Variants in STON1 observed in about 807,000 individuals in gnomAD.
STON1 encodes the protein stonin 1.
STON1 carries 79 observed loss-of-function variants against 60.9 expected under a neutral mutation model. The ratio of observed to expected loss-of-function variants is 1.30; its 90% confidence interval spans 1.08 to 1.56. The LOEUF (loss-of-function observed/expected upper bound fraction) is 1.56, where lower values mean the gene tolerates loss of function less well. Ranked by LOEUF, STON1 falls within the 40% of genes most tolerant of loss-of-function variation. The pLI is 0.00. For synonymous variants in STON1, 363 were observed against 306.9 expected (o/e 1.18, Z -1.91); for missense variants, 1,166 against 858.9 (o/e 1.36, Z -4.47).
Position 48,581,821 on chromosome 2 carries a change from G to A in STON1, c.1188G>A (p.Glu396=). The change falls in exon 2 of 4, where the codon GAG becomes GAA. Residue 396 remains glutamate, a synonymous_variant. Coordinates refer to ENST00000404752, the MANE Select transcript of STON1 (RefSeq NM_006873.4). ...FLDFLTTVEE[E]LMKLPAVSKP... is the part of the protein sequence containing the mutation. ...ACTTTCTGACTACTGTGGAGGAGGA[G>A]CTGATGAAGTTGCCAGCTGTTTCAA... 6.2e-7 allele frequency: 1 copy of A among 1,614,210 alleles called. No homozygotes were observed. Among genetic ancestry groups the A allele is most frequent in the Non-Finnish European group, 8.5e-7 (1 of 1,180,052 alleles).
chr2:48,573,626 G>T (rs1298912301), intron 1 of STON1, among the ~76,000 whole-genome samples: 1 of 152,186 alleles, frequency 6.6e-6, no homozygotes, highest in Non-Finnish European at 1.5e-5. Flanking sequence ...GTAATTTGTT[G>T]TATCAGGTTG....
At chr2:48,563,612 T>G (rs1672698785) in intron 1 of STON1, among the ~76,000 whole-genome samples, 2 of 152,208 alleles carry the variant, frequency 1.3e-5, no homozygotes, top group East Asian at 1.9e-4. Context: ...TTCCCTAGTC[T>G]CAGACTCTTG....
chr2:48,558,731 C>G (rs1490289210), intron 1 of STON1, among the ~76,000 whole-genome samples: 4 of 152,200 alleles, frequency 2.6e-5, no homozygotes, highest in Admixed American at 6.5e-5. Context: ...TTTACTCAAG[C>G]AGATGTCCCT....
At chr2:48,582,659 A>G (rs1033405495) in intron 2 of STON1, 96 bp downstream of exon 2, 4 of 1,500,306 alleles carry the variant, frequency 2.7e-6, no homozygotes, top group Non-Finnish European at 3.5e-6. Flanking sequence ...ACAGATGGCA[A>G]TTTGTCAGCT....
At chr2:48,561,176 A>G (rs1672594431) in intron 1 of STON1, among the ~76,000 whole-genome samples, 1 of 152,234 alleles carries the variant, frequency 6.6e-6, no homozygotes, top group East Asian at 1.9e-4. Context: ...AGCTTCATGA[A>G]TGAGGCTTCC....
In STON1 at chr2:48,557,304, G is replaced by A. The variant is rs1485887863; in HGVS notation, c.-47-23283G>A. 4.9e-5 allele frequency among the ~76,000 whole-genome samples: 4 copies of A among 82,288 alleles called. 1 individual carries two copies. The highest frequency in any genetic ancestry group is 1.0e-4 in the Non-Finnish European group (4 of 38,810). 54.0% of individuals were successfully genotyped at this position (82,288 alleles called of 152,430 possible). On this transcript the variant is annotated intron_variant, in intron 1 of 3. Coordinates refer to ENST00000404752, the MANE Select transcript of STON1 (RefSeq NM_006873.4). ...CTCCTCACCTCCCAGACGGGGTCTCGGCCGGGCAGAGGCGCTCCTCACATC... is the reference window on the plus strand; with the variant it reads ...CTCCTCACCTCCCAGACGGGGTCTCAGCCGGGCAGAGGCGCTCCTCACATC...
intron 1 of STON1, among the ~76,000 whole-genome samples, chr2:48,564,452 C>A (rs866071774): frequency 4.6e-4 from 25 of 54,038 alleles, no homozygotes; most frequent in African/African-American, 1.6e-3. Context: ...TCTTCTTCTT[C>A]TTCTTCTTCT....
chr2:48,553,556 C>G (rs6759426), intron 1 of STON1, among the ~76,000 whole-genome samples: 29 of 151,984 alleles, frequency 1.9e-4, no homozygotes, highest in African/African-American at 5.8e-4. Flanking sequence ...GGCATGGTCT[C>G]GGCTCACTGC....
Position 48,581,232 on chromosome 2 carries a change from C to T in STON1, c.599C>T (p.Pro200Leu), listed in dbSNP as rs1673861592. Residue 200 changes from proline (P) to leucine (L), a missense_variant, in exon 2 of 4, where the codon CCA (proline) becomes CTA (leucine). By Grantham distance (98) the Pro-to-Leu change is moderately conservative. Coordinates refer to ENST00000404752, the MANE Select transcript of STON1 (RefSeq NM_006873.4). ...AGTGATTCCCATTTCACCCTTGACC[C>T]ACCAGGAAGCAAAAAGATGTTCTCA... is the stretch of plus-strand genomic sequence containing the variant. The part of the protein sequence containing the change: ...EGSDSHFTLD[P>L]PGSKKMFSSR... The T allele has an allele frequency of 6.6e-7, 1 of 1,517,100 alleles. No homozygotes were observed. Among genetic ancestry groups the T allele is most frequent in the Non-Finnish European group, 8.8e-7 (1 of 1,138,480 alleles). 94.0% of individuals were successfully genotyped at this position (1,517,100 alleles called of 1,614,324 possible).
At chr2:48,567,475 G>A (rs144510262) in intron 1 of STON1, among the ~76,000 whole-genome samples, 4 of 152,196 alleles carry the variant, frequency 2.6e-5, no homozygotes, top group African/African-American at 7.2e-5. Context: ...GCAATGGCGC[G>A]ATCTTAGCTC....
chr2:48,571,223 C>T (rs977976711), intron 1 of STON1, among the ~76,000 whole-genome samples: 2 of 152,058 alleles, frequency 1.3e-5, no homozygotes, highest in African/African-American at 4.8e-5. Context: ...GAAAGTAGAC[C>T]TTTGAAAAGT....
intron 1 of STON1, among the ~76,000 whole-genome samples, chr2:48,567,810 A>T (rs1181946319): frequency 1.3e-5 from 2 of 152,184 alleles, no homozygotes; most frequent in Admixed American, 6.5e-5. Flanking sequence ...TCCAGGATAT[A>T]CAGTTGTTTC....
At chr2:48,566,678 C>A (rs1205814547) in intron 1 of STON1, among the ~76,000 whole-genome samples, 1 of 152,134 alleles carries the variant, frequency 6.6e-6, no homozygotes. Flanking sequence ...CATGTGAAAT[C>A]CATCTGGGTT....
At chr2:48,563,477 A>T (rs1462092456) in intron 1 of STON1, among the ~76,000 whole-genome samples, 1 of 152,194 alleles carries the variant, frequency 6.6e-6, no homozygotes. Context: ...GTCCTGAGTG[A>T]TGCTAAGACC....
At chr2:48,568,796 C>T (rs950264974) in intron 1 of STON1, among the ~76,000 whole-genome samples, 12 of 152,176 alleles carry the variant, frequency 7.9e-5, no homozygotes, top group Non-Finnish European at 2.9e-5. Context: ...TTTCCCACAG[C>T]CTGATGTCCA....
chr2:48,550,226 G>A (rs955840771), intron 1 of STON1, among the ~76,000 whole-genome samples: 1 of 152,008 alleles, frequency 6.6e-6, no homozygotes, highest in African/African-American at 2.4e-5. Flanking sequence ...TACTGGGCGC[G>A]GTGGCTCATG....
chr2:48,595,584 C>T lies in STON1; in HGVS notation c.*282C>T. Reference sequence around the variant, plus strand: ...AGGCACTGTTACTCGTTGTGTGACCCCGCAGCCAGTATGATTTTTGATTAC... The same window carrying T: ...AGGCACTGTTACTCGTTGTGTGACCTCGCAGCCAGTATGATTTTTGATTAC... On this transcript the variant is annotated 3_prime_UTR_variant, in exon 4 of 4. Transcript: ENST00000404752. The T allele has an allele frequency of 2.7e-6, 1 of 373,162 alleles. No homozygotes were observed. 23.1% of individuals were successfully genotyped at this position (373,162 alleles called of 1,614,324 possible). A position where few individuals can be genotyped will look rare whatever the true frequency, so the allele number is the denominator to read the frequency against.
chr2:48,591,623 C>CT (rs1204359961), intron 2 of STON1, 30 bp from the exon 3 acceptor site: 1 of 1,608,924 alleles, frequency 6.2e-7, no homozygotes, highest in African/African-American at 1.3e-5. Context: ...CATTAAAATA[C>CT]TTTGACTATT....
chr2:48,595,457 G>A lies in STON1; in HGVS notation c.*155G>A, dbSNP rs778431956. ...TTTAGAGAAGTTTAGACCTAAAACC[G>A]AACAATCTGTATTTTTTGCTTTTCA... On this transcript the variant is annotated 3_prime_UTR_variant, in exon 4 of 4. Coordinates refer to ENST00000404752, the MANE Select transcript of STON1 (RefSeq NM_006873.4). 1.3e-5 allele frequency: 8 copies of A among 608,210 alleles called. No individual in the cohort carries two copies. The highest frequency in any genetic ancestry group is 3.0e-5 in the East Asian group (1 of 33,244). 37.7% of individuals were successfully genotyped at this position (608,210 alleles called of 1,614,324 possible). A position where few individuals can be genotyped will look rare whatever the true frequency, so the allele number is the denominator to read the frequency against.
Sources: allele counts gnomAD v4.1 joint callset (sites outside exome capture counted in the v4.1 genomes callset), GRCh38; gene constraint gnomAD v4.1.1; transcripts MANE v1.5; gene names NCBI Gene and HGNC (gene_info 2026-07-23, HGNC 2026-07-21).